Variants in CDK5RAP2 observed in about 807,000 individuals in gnomAD.
CDK5RAP2 encodes CDK5 regulatory subunit associated protein 2.
Under a neutral mutation model 232.9 loss-of-function variants are expected in CDK5RAP2, and 147 were observed. The ratio of observed to expected loss-of-function variants is 0.63; its 90% CI spans 0.55 to 0.72. The LOEUF is 0.72. CDK5RAP2 is among the 30% of genes least tolerant of loss of function. The pLI is 0.00. For synonymous variants in CDK5RAP2, 833 were observed against 833.7 expected (o/e 1.00, Z 0.01); for missense variants, 2,195 against 2,231.5 (o/e 0.98, Z 0.33).
chr9:120,490,635 C>G (rs923008399), intron 13 of CDK5RAP2, among the ~76,000 whole-genome samples: 1 of 152,248 alleles, frequency 6.6e-6, no homozygotes, highest in African/African-American at 2.4e-5. Context: ...GCCCTTAACA[C>G]TTGCCCATCC....
chr9:120,458,542 C>T lies in CDK5RAP2; in HGVS notation c.2283G>A (p.Gly761=), dbSNP rs1464448019. Residue 761 remains glycine, a synonymous_variant, in exon 20 of 38, where the codon GGG becomes GGA. Transcript: ENST00000349780. Reference sequence around the variant, plus strand: ...CTTCTAGGCAGCCAGGTGCGTGGGCCCCATCACAATCTGAAATCTTAGACT... The same window carrying T: ...CTTCTAGGCAGCCAGGTGCGTGGGCTCCATCACAATCTGAAATCTTAGACT... The part of the protein sequence containing the change: ...HTESKISDCD[G]AHAPGCLEEG... The T allele has an allele frequency of 6.2e-7, 1 of 1,614,070 alleles. No homozygotes were observed. The highest frequency in any genetic ancestry group is 1.1e-5 in the South Asian group (1 of 91,074).
intron 27 of CDK5RAP2, 121 bp from the exon 28 acceptor site, chr9:120,415,280 C>A: frequency 8.8e-7 from 1 of 1,140,540 alleles, no homozygotes; most frequent in Non-Finnish European, 1.3e-6. Flanking sequence ...TGGTTAGCAA[C>A]TGGCAATTCT....
intron 3 of CDK5RAP2, among the ~76,000 whole-genome samples, chr9:120,563,609 T>C (rs554971285): frequency 5.3e-5 from 8 of 152,152 alleles, no homozygotes; most frequent in Admixed American, 3.9e-4. Context: ...ACTTTACACA[T>C]GAGGTTTTAG....
At chr9:120,517,321 G>A (rs1011285623) in intron 12 of CDK5RAP2, among the ~76,000 whole-genome samples, 1 of 152,070 alleles carries the variant, frequency 6.6e-6, no homozygotes, top group African/African-American at 2.4e-5. Context: ...TGTTAACACT[G>A]GGATTTCACC....
At position 120,487,543 on chromosome 9, in the gene CDK5RAP2, C is replaced by A. The variant is rs2038680069; in HGVS notation, c.1483-106G>T. On this transcript the variant is annotated intron_variant, in intron 13 of 37. Coordinates refer to ENST00000349780, the MANE Select transcript of CDK5RAP2 (RefSeq NM_018249.6). ...AAATATTTTATTTTTTCATAATACT[C>A]CTATATCCCCTACATAATTTTCATC... 5 of 788,652 alleles carry A rather than the reference C, an allele frequency of 6.3e-6. No homozygotes were observed. In the Admixed American group the frequency reaches 8.7e-5, roughly 14 times the overall value. The allele number at this position is 788,652 out of a possible 1,614,324, so 48.9% of individuals were successfully genotyped here.
At chr9:120,490,533 C>A (rs1183417285) in intron 13 of CDK5RAP2, among the ~76,000 whole-genome samples, 1 of 152,226 alleles carries the variant, frequency 6.6e-6, no homozygotes, top group Non-Finnish European at 1.5e-5. Flanking sequence ...GCATGCTATG[C>A]CTTTCTGGGG....
chr9:120,437,611 A>G, intron 24 of CDK5RAP2, 84 bp from the exon 25 acceptor site: 3 of 1,012,164 alleles, frequency 3.0e-6, no homozygotes, highest in Non-Finnish European at 4.7e-6. Context: ...AAAATGACAG[A>G]GTACAATTTT....
At chr9:120,539,460 T>C (rs1335827917) in intron 5 of CDK5RAP2, among the ~76,000 whole-genome samples, 1 of 152,252 alleles carries the variant, frequency 6.6e-6, no homozygotes, top group Admixed American at 6.5e-5. Context: ...TATTACTTAA[T>C]ATACTACGAA....
At chr9:120,455,963 G>C (rs2036749747) in intron 20 of CDK5RAP2, among the ~76,000 whole-genome samples, 1 of 152,046 alleles carries the variant, frequency 6.6e-6, no homozygotes, top group Non-Finnish European at 1.5e-5. Flanking sequence ...GCAAGAAAAG[G>C]GCTGTTAAAA....
At chr9:120,483,046 C>T (rs2038409019) in intron 14 of CDK5RAP2, among the ~76,000 whole-genome samples, 1 of 152,212 alleles carries the variant, frequency 6.6e-6, no homozygotes, top group African/African-American at 2.4e-5. Context: ...TGAGAAGCAC[C>T]TGCTCAGCAA....
In CDK5RAP2 at chr9:120,443,765, A is replaced by G. The variant is rs750294801; in HGVS notation, c.3026-23T>C. 1.9e-6 allele frequency: 3 copies of G among 1,613,692 alleles called. No individual in the cohort carries two copies. In the African/African-American group the frequency reaches 4.0e-5, roughly 22 times the overall value. ...GAGCTACAGGCAATCACAAAGAGAA[A>G]GAAAAATAAATAAAACCGTAAGACC... On this transcript the variant is annotated intron_variant, in intron 22 of 37. Transcript: ENST00000349780.
intron 3 of CDK5RAP2, among the ~76,000 whole-genome samples, chr9:120,555,358 G>A (rs1194609312): frequency 6.6e-6 from 1 of 151,346 alleles, no homozygotes; most frequent in African/African-American, 2.4e-5. Context: ...GGCTGGTCTC[G>A]AACTCCTGAC....
chr9:120,538,137 G>A (rs2041474402), intron 6 of CDK5RAP2, among the ~76,000 whole-genome samples: 1 of 152,144 alleles, frequency 6.6e-6, no homozygotes, highest in African/African-American at 2.4e-5. Context: ...ACCCCTCCAA[G>A]CCTGTTTAAA....
At chr9:120,428,642 G>T in intron 25 of CDK5RAP2, among the ~76,000 whole-genome samples, 1 of 152,144 alleles carries the variant, frequency 6.6e-6, no homozygotes, top group Non-Finnish European at 1.5e-5. Flanking sequence ...AAGAGTCCAG[G>T]ACCAGACGGA....
chr9:120,476,540 G>A (rs1011395408), intron 15 of CDK5RAP2, among the ~76,000 whole-genome samples: 3 of 152,018 alleles, frequency 2.0e-5, no homozygotes, highest in Non-Finnish European at 2.9e-5. Context: ...TTAGCCGGGC[G>A]TGGTGGTATG....
rs1273567720 is a variant in CDK5RAP2 at position 120,453,663 on chromosome 9, T to C, written c.2586A>G (p.Glu862=). The part of the protein sequence containing the change: ...SCEAQLVKAG[E]VPKVGLKDAS... ...CATCTTTCAGTCCTACCTTGGGCAC[T>C]TCGCCTGCCTTTACTAGCTGGGCCT... The change falls in exon 21 of 38, where the codon GAA becomes GAG. Residue 862 remains glutamate, a synonymous_variant. Coordinates refer to ENST00000349780, the MANE Select transcript of CDK5RAP2 (RefSeq NM_018249.6). 1 of 1,614,232 alleles carries C rather than the reference T, an allele frequency of 6.2e-7. No homozygotes were observed. Among genetic ancestry groups the C allele is most frequent in the East Asian group, 2.2e-5 (1 of 44,876 alleles).
intron 22 of CDK5RAP2, among the ~76,000 whole-genome samples, chr9:120,447,174 A>G (rs1446811735): frequency 6.6e-6 from 1 of 152,224 alleles, no homozygotes; most frequent in African/African-American, 2.4e-5. Flanking sequence ...AGGAGTCAAC[A>G]TATGCACTTT....
At chr9:120,564,959 T>C (rs867459426) in intron 3 of CDK5RAP2, among the ~76,000 whole-genome samples, 2 of 152,136 alleles carry the variant, frequency 1.3e-5, no homozygotes, top group Non-Finnish European at 1.5e-5. Context: ...CAGGCTCCCA[T>C]AGAAGAGCAA....
chr9:120,442,864 G>T (rs1044978787), intron 23 of CDK5RAP2, among the ~76,000 whole-genome samples: 1 of 152,058 alleles, frequency 6.6e-6, no homozygotes, highest in African/African-American at 2.4e-5. Context: ...TCCAGAGACT[G>T]GTGTCCCCAT....
Sources: allele counts gnomAD v4.1 joint callset (sites outside exome capture counted in the v4.1 genomes callset), GRCh38; gene constraint gnomAD v4.1.1; transcripts MANE v1.5; gene names NCBI Gene and HGNC (gene_info 2026-07-23, HGNC 2026-07-21).